FGF12: variants seen among roughly 807,000 people sequenced by gnomAD.
FGF12 encodes fibroblast growth factor 12B.
Under a neutral mutation model 23.6 loss-of-function variants are expected in FGF12, and 14 were observed. The observed-to-expected ratio is 0.59, with a 90% CI of 0.39 to 0.93. FGF12 has a LOEUF of 0.93. FGF12 is among the 40% of genes least tolerant of loss of function. FGF12 has a pLI of 0.00. For missense variants in FGF12, 175 were observed against 217.8 expected, an observed-to-expected ratio of 0.80 and a Z score of 1.24; for synonymous variants, 62 against 77.3, an observed-to-expected ratio of 0.80 and a Z score of 1.04.
intron 4 of FGF12, among the ~76,000 whole-genome samples, chr3:192,208,991 C>T (rs977257808): frequency 4.6e-5 from 7 of 152,128 alleles, no homozygotes; most frequent in African/African-American, 1.4e-4. Context: ...AGTATTCATT[C>T]TTTTCTAATG....
chr3:192,437,344 G>A (rs995957385), intron 2 of FGF12, among the ~76,000 whole-genome samples: 1 of 152,224 alleles, frequency 6.6e-6, no homozygotes, highest in African/African-American at 2.4e-5. Context: ...AACTAGTTGA[G>A]AGGTAGCATC....
chr3:192,335,368 TA>T lies in FGF12; in HGVS notation c.220del (p.Tyr74ThrfsTer22). On this transcript the variant is annotated frameshift_variant, in exon 4 of 6. Coordinates refer to ENST00000445105, the MANE Select transcript of FGF12 (RefSeq NM_004113.6). LOFTEE classifies it high-confidence loss of function. ...ACACTACAATGTACTTACTGAACTG[TA>T]GAGATAGCCTTCACCATTCATGGCC... is the stretch of plus-strand genomic sequence containing the variant. ...YVAMNGEGYL[Y>X]SSDVFTPECK... The T allele has an allele frequency of 6.2e-7, 1 of 1,608,074 alleles. No individual in the cohort carries two copies. The highest frequency in any genetic ancestry group is 8.5e-7 in the Non-Finnish European group (1 of 1,174,778).
intron 2 of FGF12, among the ~76,000 whole-genome samples, chr3:192,453,301 T>C (rs1408274396): frequency 1.3e-5 from 2 of 152,198 alleles, no homozygotes; most frequent in African/African-American, 4.8e-5. Context: ...TTGATCACAT[T>C]TGAAAATCTT....
At chr3:192,579,418 A>G (rs1577063979) in intron 2 of FGF12, among the ~76,000 whole-genome samples, 3 of 152,192 alleles carry the variant, frequency 2.0e-5, no homozygotes, top group African/African-American at 7.2e-5. Context: ...TGAATTGCGC[A>G]TATATATTCC....
intron 2 of FGF12, among the ~76,000 whole-genome samples, chr3:192,678,344 A>G (rs1717401703): frequency 6.6e-6 from 1 of 152,268 alleles, no homozygotes; most frequent in African/African-American, 2.4e-5. Flanking sequence ...GCTCATGCTT[A>G]GAAACCACTA....
At chr3:192,681,518 G>A (rs1004686531) in intron 2 of FGF12, among the ~76,000 whole-genome samples, 1 of 152,214 alleles carries the variant, frequency 6.6e-6, no homozygotes, top group Non-Finnish European at 1.5e-5. Flanking sequence ...AAGACAAGAA[G>A]TAGATGATAG....
At position 192,544,119 on chromosome 3, in the gene FGF12, G is replaced by T. The variant is rs149510762; in HGVS notation, c.13+183062C>A. ...TGCTCCCTCCATTAGCTTTGGCTGA[G>T]TTCTGCCTGGTGTTGCTGTCTGCTG... On this transcript the variant is annotated intron_variant, in intron 2 of 5. Coordinates refer to ENST00000445105, the MANE Select transcript of FGF12 (RefSeq NM_004113.6). Among the ~76,000 whole-genome samples the T allele has an allele frequency of 3.6e-3, 550 of 152,302 alleles. 2 individuals are homozygous for T. The highest frequency in any genetic ancestry group is 0.014 in the Middle Eastern group (4 of 294).
At chr3:192,678,336 T>C (rs1560191615) in intron 2 of FGF12, among the ~76,000 whole-genome samples, 1 of 152,166 alleles carries the variant, frequency 6.6e-6, no homozygotes, top group Non-Finnish European at 1.5e-5. Context: ...ACTGCAGAGC[T>C]CATGCTTAGA....
intron 2 of FGF12, among the ~76,000 whole-genome samples, chr3:192,511,986 A>T (rs1724491950): frequency 6.6e-6 from 1 of 152,196 alleles, no homozygotes; most frequent in East Asian, 1.9e-4. Flanking sequence ...ATTTAATAAA[A>T]CTTAAATAAA....
intron 4 of FGF12, among the ~76,000 whole-genome samples, chr3:192,198,546 A>C (rs1007329426): frequency 2.6e-5 from 4 of 152,340 alleles, no homozygotes; most frequent in African/African-American, 9.6e-5. Flanking sequence ...GAAGGCAGCA[A>C]GATAATTTCT....
In FGF12 at chr3:192,195,744, ATATG is replaced by A. The variant is rs529051718; in HGVS notation, c.229-25092_229-25089del. On this transcript the variant is annotated intron_variant, in intron 4 of 5. Coordinates refer to ENST00000445105, the MANE Select transcript of FGF12 (RefSeq NM_004113.6). Reference sequence around the variant, plus strand: ...TGTATATATATGTATGTATGTGTATATATGTATGTATGTATGTATGTGTGTATAC... The same window carrying A: ...TGTATATATATGTATGTATGTGTATATATGTATGTATGTATGTGTGTATAC... 4.2e-3 allele frequency among the ~76,000 whole-genome samples: 634 copies of A among 152,240 alleles called. 5 individuals carry two copies. Among genetic ancestry groups the A allele is most frequent in the African/African-American group, 0.013 (528 of 41,556 alleles).
At chr3:192,421,147 T>A (rs540296531) in intron 2 of FGF12, among the ~76,000 whole-genome samples, 5 of 152,238 alleles carry the variant, frequency 3.3e-5, no homozygotes, top group African/African-American at 1.2e-4. Flanking sequence ...CAGTATTATC[T>A]TTAAAATTAG....
At chr3:192,554,393 A>G (rs1295735272) in intron 2 of FGF12, among the ~76,000 whole-genome samples, 4 of 152,226 alleles carry the variant, frequency 2.6e-5, no homozygotes, top group Non-Finnish European at 5.9e-5. Flanking sequence ...ACCTTGTGGC[A>G]GCTCCAAAGA....
rs1713282068 is a variant in FGF12, at chr3:192,140,016, A to C, written c.*3993T>G. On this transcript the variant is annotated 3_prime_UTR_variant, in exon 6 of 6. Coordinates refer to ENST00000445105, the MANE Select transcript of FGF12 (RefSeq NM_004113.6). ...AAAATCACCAAAGTACTGAAGGAAC[A>C]CGTGCTTTGATTATTATTCCCACCT... 1.3e-5 allele frequency: 2 copies of C among 152,078 alleles called. No individual in the cohort carries two copies. The highest frequency in any genetic ancestry group is 2.9e-5 in the Non-Finnish European group (2 of 67,934). 9.4% of individuals were successfully genotyped at this position (152,078 alleles called of 1,614,324 possible).
chr3:192,510,571 C>T (rs577073429), intron 2 of FGF12, among the ~76,000 whole-genome samples: 1 of 152,304 alleles, frequency 6.6e-6, no homozygotes, highest in African/African-American at 2.4e-5. Flanking sequence ...CACTGTCTTA[C>T]CAAACTAAAC....
At chr3:192,382,237 A>G (rs901433953) in intron 2 of FGF12, among the ~76,000 whole-genome samples, 6 of 151,898 alleles carry the variant, frequency 4.0e-5, no homozygotes, top group Admixed American at 6.6e-5. Flanking sequence ...CACGTGATCC[A>G]CTCACCTCAG....
intron 5 of FGF12, among the ~76,000 whole-genome samples, chr3:192,156,205 A>AAAAC (rs1270954754): frequency 1.3e-5 from 2 of 152,216 alleles, no homozygotes; most frequent in African/African-American, 4.8e-5. Context: ...ACATGAAAAC[A>AAAAC]AAACAAAGAA....
intron 2 of FGF12, among the ~76,000 whole-genome samples, chr3:192,511,581 C>T (rs1724479661): frequency 6.6e-6 from 1 of 152,102 alleles, no homozygotes; most frequent in Non-Finnish European, 1.5e-5. Flanking sequence ...CTTTACTTCC[C>T]CTTTAAACTA....
intron 2 of FGF12, among the ~76,000 whole-genome samples, chr3:192,491,735 T>C (rs1383369713): frequency 6.6e-6 from 1 of 152,186 alleles, no homozygotes; most frequent in East Asian, 1.9e-4. Context: ...TAGTATTTCC[T>C]AGCCTTTTTC....
Sources: allele counts gnomAD v4.1 joint callset (sites outside exome capture counted in the v4.1 genomes callset), GRCh38; gene constraint gnomAD v4.1.1; transcripts MANE v1.5; gene names NCBI Gene and HGNC (gene_info 2026-07-23, HGNC 2026-07-21).